Variants in ULK4 observed in about 807,000 individuals in gnomAD.
ULK4 encodes the protein inactive serine/threonine-protein kinase ULK4.
A neutral mutation model predicts 160.6 loss-of-function variants in ULK4; 133 were observed. The ratio of observed to expected loss-of-function variants is 0.83; its 90% CI spans 0.72 to 0.96. ULK4 has a LOEUF of 0.96. Among genes scored for constraint, ULK4 ranks in the 40% least tolerant of loss-of-function variants. The probability of loss-of-function intolerance (pLI) is 0.00; values close to 1 mark genes in which losing one functional copy is unlikely to be tolerated. For synonymous variants in ULK4, 534 were observed against 539.8 expected (o/e 0.99, Z 0.15); for missense variants, 1,580 against 1,499.5 (o/e 1.05, Z -0.89).
At chr3:41,867,282 T>A (rs560654493) in intron 17 of ULK4, among the ~76,000 whole-genome samples, 5 of 152,266 alleles carry the variant, frequency 3.3e-5, no homozygotes, top group Admixed American at 2.6e-4. Context: ...ACCAGCAGCA[T>A]CAAAAGCCAC....
intron 22 of ULK4, among the ~76,000 whole-genome samples, chr3:41,724,004 C>T (rs146436028): frequency 6.6e-6 from 1 of 152,198 alleles, no homozygotes; most frequent in African/African-American, 2.4e-5. Flanking sequence ...ATGTAAAGCT[C>T]AAAGTCAAAA....
At chr3:41,432,985 CAA>C (rs1206277206) in intron 34 of ULK4, among the ~76,000 whole-genome samples, 1 of 151,440 alleles carries the variant, frequency 6.6e-6, no homozygotes, top group East Asian at 1.9e-4. Context: ...ACATAAAACT[CAA>C]AACTCTTAAA....
chr3:41,921,051 C>T (rs554848246), intron 5 of ULK4, among the ~76,000 whole-genome samples: 1 of 152,322 alleles, frequency 6.6e-6, no homozygotes, highest in Non-Finnish European at 1.5e-5. Context: ...CAGGCTCACA[C>T]TTGTAATCCC....
chr3:41,586,960 T>C (rs148582595), intron 31 of ULK4, among the ~76,000 whole-genome samples: 2 of 152,146 alleles, frequency 1.3e-5, no homozygotes, highest in Non-Finnish European at 2.9e-5. Flanking sequence ...CAGCCATTTA[T>C]TATCTTAGTT....
intron 35 of ULK4, among the ~76,000 whole-genome samples, chr3:41,293,908 T>A (rs1284195296): frequency 6.6e-6 from 1 of 152,130 alleles, no homozygotes; most frequent in Non-Finnish European, 1.5e-5. Flanking sequence ...TAGAGGCAGT[T>A]TGAAAGGTGG....
chr3:41,508,573 C>T (rs1039969669), intron 32 of ULK4, among the ~76,000 whole-genome samples: 1 of 152,192 alleles, frequency 6.6e-6, no homozygotes, highest in South Asian at 2.1e-4. Flanking sequence ...GCCCACTTCA[C>T]TCCCCTGCTA....
At chr3:41,673,424 C>T (rs755519728) in intron 29 of ULK4, among the ~76,000 whole-genome samples, 2 of 152,082 alleles carry the variant, frequency 1.3e-5, no homozygotes, top group Non-Finnish European at 2.9e-5. Context: ...CTATAAATTC[C>T]AGTTCCTAAA....
intron 12 of ULK4, among the ~76,000 whole-genome samples, chr3:41,902,308 A>T (rs1394644469): frequency 6.6e-6 from 1 of 151,998 alleles, no homozygotes; most frequent in South Asian, 2.1e-4. Flanking sequence ...GGCCGGGTGC[A>T]GTGGCTTAGG....
At position 41,681,748 on chromosome 3, in the gene ULK4, C is replaced by G; in HGVS notation, c.2833+5G>C. On this transcript the variant is annotated splice_donor_5th_base_variant and intron_variant, in intron 28 of 36. Coordinates refer to ENST00000301831, the MANE Select transcript of ULK4 (RefSeq NM_017886.4). ...TGCAATTCTTGCTGGTGTCATCACA[C>G]TTACCATTTTGGCTTTGAACCAAGG... The G allele has an allele frequency of 6.2e-7, 1 of 1,614,062 alleles. No homozygotes were observed. Among genetic ancestry groups the G allele is most frequent in the South Asian group, 1.1e-5 (1 of 91,082 alleles).
At chr3:41,316,756 G>T (rs7630348) in intron 35 of ULK4, among the ~76,000 whole-genome samples, 5,261 of 152,204 alleles carry the variant, frequency 0.035, 222 homozygotes, top group East Asian at 0.18. Flanking sequence ...TTTAAAAAAT[G>T]GATATATTAT....
intron 32 of ULK4, among the ~76,000 whole-genome samples, chr3:41,500,349 A>G (rs959744116): frequency 4.6e-5 from 7 of 151,676 alleles, no homozygotes; most frequent in African/African-American, 1.7e-4. Context: ...CTGATTTTTA[A>G]AAACTATCAA....
intron 33 of ULK4, among the ~76,000 whole-genome samples, chr3:41,458,380 T>C (rs2083603220): frequency 6.6e-6 from 1 of 152,168 alleles, no homozygotes; most frequent in African/African-American, 2.4e-5. Flanking sequence ...AAGTGTTGAA[T>C]TGATCTGAGC....
chr3:41,737,550 T>C (rs1321183588), intron 22 of ULK4, among the ~76,000 whole-genome samples: 1 of 151,948 alleles, frequency 6.6e-6, no homozygotes, highest in Admixed American at 6.5e-5. Flanking sequence ...AGAGCCCGCA[T>C]TGCCAAGTCA....
intron 35 of ULK4, among the ~76,000 whole-genome samples, chr3:41,282,030 A>G (rs980068585): frequency 1.3e-5 from 2 of 152,208 alleles, no homozygotes; most frequent in Admixed American, 6.5e-5. Flanking sequence ...GAGCCAAATC[A>G]TGAGTGAACT....
At chr3:41,904,213 A>T (rs1170503319) in intron 12 of ULK4, among the ~76,000 whole-genome samples, 1 of 152,170 alleles carries the variant, frequency 6.6e-6, no homozygotes, top group African/African-American at 2.4e-5. Context: ...CCAGCAGATC[A>T]CTTGAGTCCA....
At chr3:41,688,293 C>T (rs1338015464) in intron 27 of ULK4, among the ~76,000 whole-genome samples, 3 of 152,078 alleles carry the variant, frequency 2.0e-5, no homozygotes, top group Non-Finnish European at 4.4e-5. Context: ...GTGGCTCACA[C>T]CTGTAGCCTC....
chr3:41,889,823 C>A (rs1159274629), intron 16 of ULK4, among the ~76,000 whole-genome samples: 2 of 152,174 alleles, frequency 1.3e-5, no homozygotes, highest in Admixed American at 6.5e-5. Context: ...ATGTTCAGCG[C>A]ACCATTATTC....
intron 18 of ULK4, among the ~76,000 whole-genome samples, chr3:41,824,926 A>C (rs1296465029): frequency 1.3e-5 from 2 of 152,214 alleles, no homozygotes; most frequent in Admixed American, 6.5e-5. Context: ...GTAGGGGCAG[A>C]CTGACACCTC....
chr3:41,433,647 C>A (rs1457336070), intron 34 of ULK4, among the ~76,000 whole-genome samples: 4 of 152,180 alleles, frequency 2.6e-5, no homozygotes, highest in African/African-American at 9.7e-5. Flanking sequence ...TCATACAGTA[C>A]CACAGTCATC....
Sources: gnomAD v4.1 joint callset for allele counts (sites outside exome capture counted in the v4.1 genomes callset) on GRCh38, gnomAD v4.1.1 for gene constraint, MANE v1.5 for transcripts, NCBI Gene and HGNC (gene_info 2026-07-23, HGNC 2026-07-21) for gene names.